The following SLA variants were observed in gnomAD, a reference collection of about 807,000 sequenced individuals.
SLA encodes Src like adaptor.
Under a neutral mutation model 30.3 loss-of-function variants are expected in SLA, and 16 were observed. The observed-to-expected ratio is 0.53, with a 90% CI of 0.36 to 0.80. The LOEUF is 0.80. Ranked by LOEUF, SLA falls within the 30% of genes least tolerant of loss-of-function variation. The pLI is 0.01. For synonymous variants in SLA, 143 were observed against 137.8 expected (o/e 1.04, Z -0.26); for missense variants, 310 against 345.2 (o/e 0.90, Z 0.81).
intron 7 of SLA, among the ~76,000 whole-genome samples, chr8:133,041,522 G>T (rs1838240372): frequency 6.6e-6 from 1 of 152,192 alleles, no homozygotes; most frequent in South Asian, 2.1e-4. Flanking sequence ...CCTGTCATGG[G>T]TTGGAAATTG....
intron 2 of SLA, among the ~76,000 whole-genome samples, chr8:133,062,069 A>G (rs938812131): frequency 6.6e-5 from 10 of 152,256 alleles, no homozygotes; most frequent in Admixed American, 4.6e-4. Flanking sequence ...TGCACCACAG[A>G]AGGGTTGGCT....
intron 1 of SLA, among the ~76,000 whole-genome samples, chr8:133,092,131 C>T (rs1174634992): frequency 6.6e-6 from 1 of 152,126 alleles, no homozygotes; most frequent in Non-Finnish European, 1.5e-5. Context: ...GAAAGAGAAT[C>T]CTAACTCCCA....
chr8:133,100,999 C>T (rs765863624), intron 1 of SLA, among the ~76,000 whole-genome samples: 3 of 152,140 alleles, frequency 2.0e-5, no homozygotes, highest in African/African-American at 2.4e-5. Flanking sequence ...TGAGGTTTAC[C>T]GGGTGTCTCT....
chr8:133,039,173 C>T (rs982420072), intron 8 of SLA, among the ~76,000 whole-genome samples: 6 of 152,352 alleles, frequency 3.9e-5, no homozygotes, highest in African/African-American at 1.4e-4. Flanking sequence ...GCCACCGCGC[C>T]TGGCCCTAAC....
At position 133,037,816 on chromosome 8, in the gene SLA, C is replaced by T. The variant is rs1017685591; in HGVS notation, c.*708G>A. On this transcript the variant is annotated 3_prime_UTR_variant, in exon 9 of 9. Transcript: ENST00000338087. Reference sequence around the variant, plus strand: ...TCAGGGAAGCTGGTGCAGTTCTAGTCTCGCCTCCTCGATTTCCCTGCCAGC... The same window carrying T: ...TCAGGGAAGCTGGTGCAGTTCTAGTTTCGCCTCCTCGATTTCCCTGCCAGC... The T allele has an allele frequency of 6.6e-5, 10 of 152,250 alleles. No homozygotes were observed. Among genetic ancestry groups the T allele is most frequent in the Admixed American group, 3.9e-4 (6 of 15,292 alleles). The allele number at this position is 152,250 out of a possible 1,614,324, so 9.4% of individuals were successfully genotyped here.
intron 1 of SLA, among the ~76,000 whole-genome samples, chr8:133,081,630 T>A (rs1845765161): frequency 6.6e-6 from 1 of 152,340 alleles, no homozygotes; most frequent in Admixed American, 6.5e-5. Context: ...AACTGTCTGC[T>A]GCGAAGAGCT....
At chr8:133,082,648 C>T (rs911600757) in intron 1 of SLA, among the ~76,000 whole-genome samples, 1 of 152,132 alleles carries the variant, frequency 6.6e-6, no homozygotes, top group African/African-American at 2.4e-5. Context: ...AAACACTCTG[C>T]CCTGGTATTT....
At chr8:133,090,238 A>G (rs1378241689) in intron 1 of SLA, 1 of 152,246 alleles carries the variant, frequency 6.6e-6, no homozygotes, top group East Asian at 1.9e-4. Flanking sequence ...CTAGAGGCCC[A>G]GTGGTCTGGT....
rs190943345 is a variant in SLA at position 133,082,113 on chromosome 8, G to A, written c.-318-6983C>T. ...GACAAAGTCTTCCCATGTATGTGGT[G>A]TATGGTGTAGGGTGTACGGTGCTGG... is the stretch of plus-strand genomic sequence containing the variant. On this transcript the variant is annotated intron_variant, in intron 1 of 8. Coordinates refer to ENST00000338087, the MANE Select transcript of SLA (RefSeq NM_001045556.3). 5.3e-5 allele frequency among the ~76,000 whole-genome samples: 8 copies of A among 152,328 alleles called. No homozygotes were observed. In the East Asian group the frequency reaches 1.3e-3, roughly 26 times the overall value.
chr8:133,096,125 TCAG>T (rs1403916222), intron 1 of SLA: 2 of 1,534,950 alleles, frequency 1.3e-6, no homozygotes, highest in African/African-American at 2.7e-5. Flanking sequence ...GTATTGGCAT[TCAG>T]TATGGTTAAG....
rs773985400 is a variant in SLA, at chr8:133,060,136, G to T, written c.25C>A (p.Pro9Thr). ...GGCAGGGGCCTCTCGGCAGGCGCAG[G>T]GGTGGATTTCATGCTGTTTCCCATT... The part of the protein sequence containing the change: MGNSMKST[P>T]APAERPLPNP... The change falls in exon 3 of 9, where the codon CCT (proline) becomes ACT (threonine). Residue 9 changes from proline (P) to threonine (T), a missense_variant. Coordinates refer to ENST00000338087, the MANE Select transcript of SLA (RefSeq NM_001045556.3). The T allele has an allele frequency of 6.5e-5, 104 of 1,611,574 alleles. No individual in the cohort carries two copies. Among genetic ancestry groups the T allele is most frequent in the Admixed American group, 5.2e-4 (31 of 59,176 alleles).
intron 1 of SLA, among the ~76,000 whole-genome samples, chr8:133,079,825 G>A (rs1845475442): frequency 6.6e-6 from 1 of 152,062 alleles, no homozygotes; most frequent in East Asian, 1.9e-4. Context: ...CTTATTGAAT[G>A]CAAGGCATGA....
intron 2 of SLA, among the ~76,000 whole-genome samples, chr8:133,064,895 T>A (rs184606277): frequency 2.0e-4 from 31 of 152,244 alleles, no homozygotes; most frequent in Admixed American, 1.2e-3. Flanking sequence ...CCCGAACCCC[T>A]TTATCGTGCA....
At chr8:133,067,869 AG>A (rs1843274699) in intron 2 of SLA, among the ~76,000 whole-genome samples, 5 of 28,324 alleles carry the variant, frequency 1.8e-4, no homozygotes, top group South Asian at 1.2e-3. Context: ...AAAGAAAGAA[AG>A]GAAGGAAGGA....
intron 4 of SLA, chr8:133,050,514 A>G (rs1840203270): frequency 9.4e-6 from 3 of 319,722 alleles, no homozygotes; most frequent in Middle Eastern, 9.2e-4. Context: ...CCTACATAAC[A>G]TCAACACTGC....
At chr8:133,093,870 T>TA (rs1847979389) in intron 1 of SLA, among the ~76,000 whole-genome samples, 1 of 152,192 alleles carries the variant, frequency 6.6e-6, no homozygotes, top group Admixed American at 6.5e-5. Context: ...GCAACCGACT[T>TA]ATACAATTGC....
intron 7 of SLA, among the ~76,000 whole-genome samples, chr8:133,041,033 T>C (rs1432978955): frequency 6.6e-6 from 1 of 152,252 alleles, no homozygotes; most frequent in Admixed American, 6.5e-5. Flanking sequence ...CTAGCCCATG[T>C]TATCATGAGA....
At chr8:133,101,026 C>T (rs1849172435) in intron 1 of SLA, among the ~76,000 whole-genome samples, 1 of 152,018 alleles carries the variant, frequency 6.6e-6, no homozygotes. Context: ...GCTAACTAGT[C>T]CTTTGGAAAG....
At chr8:133,043,187 C>T (rs1374429317) in intron 7 of SLA, among the ~76,000 whole-genome samples, 1 of 152,134 alleles carries the variant, frequency 6.6e-6, no homozygotes, top group Non-Finnish European at 1.5e-5. Flanking sequence ...CAGTGCTGCA[C>T]TGGGGTGAGA....
Sources: gnomAD v4.1 joint callset for allele counts (sites outside exome capture counted in the v4.1 genomes callset) on GRCh38, gnomAD v4.1.1 for gene constraint, MANE v1.5 for transcripts, NCBI Gene and HGNC (gene_info 2026-07-23, HGNC 2026-07-21) for gene names.